Variants in PTPRO observed in about 807,000 individuals in gnomAD.
PTPRO encodes protein tyrosine phosphatase receptor type O.
A neutral mutation model predicts 145.2 loss-of-function variants in PTPRO; 62 were observed. That is an observed-to-expected ratio of 0.43 (90% CI 0.35 to 0.53). The LOEUF (loss-of-function observed/expected upper bound fraction) is 0.53. Among genes scored for constraint, PTPRO ranks in the 20% least tolerant of loss-of-function variants. PTPRO has a pLI of 0.01. For missense variants in PTPRO, 1,345 were observed against 1,482.7 expected, an observed-to-expected ratio of 0.91 and a Z score of 1.53; for synonymous variants, 565 against 514.7, an observed-to-expected ratio of 1.10 and a Z score of -1.32.
At chr12:15,440,929 C>G (rs1423404924) in intron 1 of PTPRO, among the ~76,000 whole-genome samples, 1 of 152,068 alleles carries the variant, frequency 6.6e-6, no homozygotes, top group Non-Finnish European at 1.5e-5. Flanking sequence ...TCTTCAACCC[C>G]CAACTGACAG....
Position 15,515,516 on chromosome 12 carries a change from A to G in PTPRO, c.1483A>G (p.Ile495Val), listed in dbSNP as rs1391251452. Residue 495 changes from isoleucine (I) to valine (V), a missense_variant, in exon 8 of 27, where the codon ATT becomes GTT. This residue lies in a region of PTPRO where 1,130 missense variants were observed against 1,214.7 expected (regional missense o/e 0.93). Transcript: ENST00000281171. ...TTTAAAGGTGAACTCAAGCAAACCT[A>G]TTATTGAAAATCTGGTTCCTGGTGC... ...YCTQVNSSKP[I>V]IENLVPGAQY... The G allele has an allele frequency of 6.2e-7, 1 of 1,614,026 alleles. No homozygotes were observed. Among genetic ancestry groups the G allele is most frequent in the East Asian group, 2.2e-5 (1 of 44,846 alleles).
intron 17 of PTPRO, among the ~76,000 whole-genome samples, chr12:15,564,736 T>C (rs751446355): frequency 8.5e-5 from 13 of 152,232 alleles, no homozygotes; most frequent in Non-Finnish European, 1.6e-4. Flanking sequence ...CTATCAAAAT[T>C]ATGTAAAGAC....
At chr12:15,589,672 A>G in intron 25 of PTPRO, 82 bp downstream of exon 25, 1 of 1,513,824 alleles carries the variant, frequency 6.6e-7, no homozygotes, top group Non-Finnish European at 9.1e-7. Context: ...CTTCAAAACA[A>G]TTCTCTCAAA....
chr12:15,503,975 T>A lies in PTPRO; in HGVS notation c.1173T>A (p.Pro391=). 1.9e-6 allele frequency: 3 copies of A among 1,603,962 alleles called. No homozygotes were observed. Among genetic ancestry groups the A allele is most frequent in the Non-Finnish European group, 2.6e-6 (3 of 1,170,964 alleles). The change falls in exon 6 of 27, where the codon CCT becomes CCA. Residue 391 remains proline, a synonymous_variant. Coordinates refer to ENST00000281171, the MANE Select transcript of PTPRO (RefSeq NM_030667.3). ...AHEFVAELKE[P]GKYKLSVTTF... is the part of the protein sequence containing the mutation. ...AATTTGTTGCAGAACTGAAGGAACC[T>A]GGGAAATATAAGTTATCTGTGACAA... is the stretch of plus-strand genomic sequence containing the variant.
At chr12:15,334,797 C>T (rs2136205533) in intron 1 of PTPRO, among the ~76,000 whole-genome samples, 1 of 152,184 alleles carries the variant, frequency 6.6e-6, no homozygotes, top group South Asian at 2.1e-4. Flanking sequence ...GATCAGGAGA[C>T]TCACTTCTGG....
At chr12:15,482,466 T>C (rs1439453670) in intron 1 of PTPRO, among the ~76,000 whole-genome samples, 1 of 152,066 alleles carries the variant, frequency 6.6e-6, no homozygotes, top group Non-Finnish European at 1.5e-5. Context: ...TATAGTACTA[T>C]AGGGGGACTA....
At position 15,560,249 on chromosome 12, in the gene PTPRO, A is replaced by T. The variant is rs759525747; in HGVS notation, c.2684A>T (p.Tyr895Phe). 22 of 1,589,546 alleles carry T rather than the reference A, an allele frequency of 1.4e-5. No individual in the cohort carries two copies. In the East Asian group the frequency reaches 4.9e-4, roughly 36 times the overall value. Reference sequence around the variant, plus strand: ...CTACCCTCATGTCTTTGGACTGATTATCTTTTGGCATTTTATATTAATCCT... The same window carrying T: ...CTACCCTCATGTCTTTGGACTGATTTTCTTTTGGCATTTTATATTAATCCT... Reference protein sequence around the residue: ...TLLPSCLWTDYLLAFYINPWS... With the variant: ...TLLPSCLWTDFLLAFYINPWS... The change falls in exon 17 of 27, where the codon TAT becomes TTT. Residue 895 changes from tyrosine (Y) to phenylalanine (F), a missense_variant. Physicochemically the swap from Tyr to Phe is conservative, Grantham distance 22. Around this residue, in one of 3 missense-constraint regions of PTPRO, gnomAD observed 1,130 missense variants for 1,214.7 expected, o/e 0.93. Coordinates refer to ENST00000281171, the MANE Select transcript of PTPRO (RefSeq NM_030667.3).
chr12:15,403,126 C>CTA (rs1939545549), intron 1 of PTPRO, among the ~76,000 whole-genome samples: 1 of 152,166 alleles, frequency 6.6e-6, no homozygotes, highest in African/African-American at 2.4e-5. Context: ...AAACCCCTTA[C>CTA]TATGATATAT....
At chr12:15,540,265 A>G (rs1028439586) in intron 12 of PTPRO, among the ~76,000 whole-genome samples, 6 of 152,248 alleles carry the variant, frequency 3.9e-5, no homozygotes, top group Admixed American at 3.9e-4. Flanking sequence ...ACGCTGCTTA[A>G]CATAGAGTTG....
chr12:15,453,254 A>T (rs1345797311), intron 1 of PTPRO, among the ~76,000 whole-genome samples: 1 of 151,996 alleles, frequency 6.6e-6, no homozygotes, highest in Non-Finnish European at 1.5e-5. Context: ...GCCTTCCAAA[A>T]TTCTGGGATG....
At chr12:15,491,443 G>A (rs1025704305) in intron 2 of PTPRO, among the ~76,000 whole-genome samples, 7 of 151,948 alleles carry the variant, frequency 4.6e-5, no homozygotes, top group Non-Finnish European at 5.9e-5. Context: ...TCTCTTCTCC[G>A]AGATAGTCAC....
At chr12:15,327,689 G>A (rs1866485881) in intron 1 of PTPRO, among the ~76,000 whole-genome samples, 1 of 152,062 alleles carries the variant, frequency 6.6e-6, no homozygotes, top group Non-Finnish European at 1.5e-5. Flanking sequence ...TTGTGCGCTG[G>A]TGTCATTGAT....
intron 1 of PTPRO, among the ~76,000 whole-genome samples, chr12:15,383,841 G>A (rs1938939221): frequency 6.6e-6 from 1 of 152,110 alleles, no homozygotes; most frequent in Non-Finnish European, 1.5e-5. Flanking sequence ...ACCTAATAAG[G>A]GAAAGAGATG....
In PTPRO at chr12:15,466,269, A is replaced by G. The variant is rs74464578; in HGVS notation, c.76-17705A>G. Among the ~76,000 whole-genome samples the G allele has an allele frequency of 5.6e-3, 854 of 152,330 alleles. 56 individuals carry two copies. In the East Asian group the frequency reaches 0.14, roughly 25 times the overall value. On this transcript the variant is annotated intron_variant, in intron 1 of 26. Transcript: ENST00000281171. ...TATTTTGAAGAAGATAAAAATAGAA[A>G]AGATTGAGAATATGTCAGAGACTAT...
At position 15,367,212 on chromosome 12, in the gene PTPRO, A is replaced by G. The variant is rs1339192324; in HGVS notation, c.75+44411A>G. 3.3e-5 allele frequency among the ~76,000 whole-genome samples: 5 copies of G among 152,218 alleles called. 1 individual carries two copies. Among genetic ancestry groups the G allele is most frequent in the Non-Finnish European group, 7.3e-5 (5 of 68,038 alleles). ...TTCAAAGTAAGAAAATTTATAGGCA[A>G]ACGTTTCTGAAGCAAGAATCAAATA... On this transcript the variant is annotated intron_variant, in intron 1 of 26. Transcript: ENST00000281171.
At position 15,497,367 on chromosome 12, in the gene PTPRO, T is replaced by C. The variant is rs758853940; in HGVS notation, c.472T>C (p.Trp158Arg). The C allele has an allele frequency of 3.8e-5, 62 of 1,613,388 alleles. No homozygotes were observed. Among genetic ancestry groups the C allele is most frequent in the Non-Finnish European group, 5.1e-5 (60 of 1,179,624 alleles). The part of the protein sequence containing the change: ...NVFTRVNISY[W>R]EGKDFRTMLY... ...TTTCACAAGAGTGAACATTAGCTAC[T>C]GGGAAGGTAAAGACTTCCGGACAAT... The change falls in exon 3 of 27, where the codon TGG becomes CGG. Residue 158 changes from tryptophan to arginine, a missense_variant. By Grantham distance (101) the Trp-to-Arg change is moderately radical. Transcript: ENST00000281171.
intron 12 of PTPRO, among the ~76,000 whole-genome samples, chr12:15,532,687 G>C (rs943118533): frequency 6.6e-6 from 1 of 152,160 alleles, no homozygotes; most frequent in African/African-American, 2.4e-5. Context: ...CGAATGTGGA[G>C]AGCACCAACT....
intron 18 of PTPRO, among the ~76,000 whole-genome samples, chr12:15,566,495 C>T (rs1295978178): frequency 6.6e-6 from 1 of 151,800 alleles, no homozygotes; most frequent in Non-Finnish European, 1.5e-5. Flanking sequence ...AAGTCAATTT[C>T]ATTTTTTATT....
chr12:15,509,446 C>A (rs149461749), intron 7 of PTPRO, among the ~76,000 whole-genome samples: 15,178 of 151,062 alleles, frequency 0.1, 1,376 homozygotes, highest in African/African-American at 0.24. Flanking sequence ...CCTTTAATCC[C>A]AGCACTTTGG....
Sources: gnomAD v4.1 joint callset for allele counts (sites outside exome capture counted in the v4.1 genomes callset) on GRCh38, gnomAD v4.1.1 for gene constraint, gnomAD v4.1.1 regional missense constraint, MANE v1.5 for transcripts, NCBI Gene and HGNC (gene_info 2026-07-23, HGNC 2026-07-21) for gene names.